Variants in CSMD1 observed in about 807,000 individuals in gnomAD.
CSMD1 encodes the protein CUB and sushi domain-containing protein 1.
CSMD1 carries 213 observed loss-of-function variants against 417.5 expected under a neutral mutation model. The ratio of observed to expected loss-of-function variants is 0.51; its 90% CI spans 0.46 to 0.57. The LOEUF (loss-of-function observed/expected upper bound fraction) is 0.57. CSMD1 is among the 20% of genes least tolerant of loss of function. CSMD1 has a pLI of 0.00. For missense variants in CSMD1, 6,923 were observed against 4,529.7 expected, an observed-to-expected ratio of 1.53 and a Z score of -15.17; for synonymous variants, 2,862 against 1,736.8, an observed-to-expected ratio of 1.65 and a Z score of -16.11.
At chr8:4,022,867 A>C (rs985752407) in intron 4 of CSMD1, among the ~76,000 whole-genome samples, 5 of 152,254 alleles carry the variant, frequency 3.3e-5, no homozygotes, top group Non-Finnish European at 5.9e-5. Context: ...GCAAGAATTC[A>C]CATAGTTAAG....
chr8:3,888,625 G>A (rs563243643), intron 5 of CSMD1, among the ~76,000 whole-genome samples: 100 of 152,208 alleles, frequency 6.6e-4, no homozygotes, highest in African/African-American at 2.1e-3. Flanking sequence ...TGTCATACAA[G>A]CAAGGTCAAG....
chr8:3,501,705 A>G (rs74609542), intron 10 of CSMD1, among the ~76,000 whole-genome samples: 3,363 of 152,298 alleles, frequency 0.022, 94 homozygotes, highest in East Asian at 0.12. Flanking sequence ...AAAAAACATG[A>G]TAACAAGTTT....
intron 7 of CSMD1, among the ~76,000 whole-genome samples, chr8:3,697,089 C>T (rs555575032): frequency 6.6e-6 from 1 of 152,154 alleles, no homozygotes; most frequent in Non-Finnish European, 1.5e-5. Context: ...TGAATAACTG[C>T]AGGCCCAATA....
chr8:3,818,077 G>A (rs966179847), intron 5 of CSMD1, among the ~76,000 whole-genome samples: 4 of 152,120 alleles, frequency 2.6e-5, no homozygotes, highest in East Asian at 1.9e-4. Context: ...ATGGAGGTCC[G>A]GGCTCAGCCA....
intron 38 of CSMD1, 21 bp from the exon 39 acceptor site, chr8:3,157,987 G>T: frequency 1.3e-6 from 2 of 1,534,680 alleles, no homozygotes; most frequent in Non-Finnish European, 1.8e-6. Flanking sequence ...GAAAACAAAA[G>T]AAAATACATA....
At chr8:3,384,741 AAT>A (rs1343607370) in intron 18 of CSMD1, among the ~76,000 whole-genome samples, 1 of 125,500 alleles carries the variant, frequency 8.0e-6, no homozygotes, top group African/African-American at 3.1e-5. Flanking sequence ...ATATTATATA[AAT>A]ATATATTTAT....
chr8:3,926,092 C>CACACACACACACAAACACCATACAT (rs1809674751), intron 5 of CSMD1, among the ~76,000 whole-genome samples: 4 of 49,506 alleles, frequency 8.1e-5, no homozygotes, highest in African/African-American at 5.4e-4. Flanking sequence ...TACACACACA[C>CACACACACACACAAACACCATACAT]ACACACACAC....
chr8:3,060,610 G>C (rs1812532057), intron 49 of CSMD1, among the ~76,000 whole-genome samples: 2 of 152,190 alleles, frequency 1.3e-5, no homozygotes. Flanking sequence ...TGATTTCAGA[G>C]ACTTAAATTC....
chr8:4,299,689 G>T (rs895769521), intron 3 of CSMD1, among the ~76,000 whole-genome samples: 1 of 152,138 alleles, frequency 6.6e-6, no homozygotes, highest in African/African-American at 2.4e-5. Flanking sequence ...GCTGGATGCA[G>T]TGGCGATCTT....
At chr8:3,351,273 C>T (rs1808403227) in intron 21 of CSMD1, among the ~76,000 whole-genome samples, 2 of 152,078 alleles carry the variant, frequency 1.3e-5, no homozygotes, top group South Asian at 4.1e-4. Context: ...AAAAGATAGT[C>T]TTTCACATGG....
intron 3 of CSMD1, among the ~76,000 whole-genome samples, chr8:4,257,549 A>G (rs868819691): frequency 2.0e-5 from 3 of 152,090 alleles, no homozygotes; most frequent in South Asian, 4.1e-4. Flanking sequence ...TTTCAATTAC[A>G]TTTTTAAAAT....
intron 8 of CSMD1, among the ~76,000 whole-genome samples, chr8:3,609,251 A>G (rs534404137): frequency 5.9e-5 from 9 of 152,204 alleles, no homozygotes; most frequent in Non-Finnish European, 1.2e-4. Flanking sequence ...CAGATGAACA[A>G]TAGATGACAG....
intron 10 of CSMD1, among the ~76,000 whole-genome samples, chr8:3,533,888 G>A (rs996309601): frequency 2.6e-5 from 4 of 152,184 alleles, no homozygotes; most frequent in African/African-American, 9.7e-5. Flanking sequence ...TCTTTCAGAT[G>A]TATCAGCTCG....
At chr8:4,296,641 T>TAAACAAAC in intron 3 of CSMD1, among the ~76,000 whole-genome samples, 1 of 151,464 alleles carries the variant, frequency 6.6e-6, no homozygotes, top group East Asian at 1.9e-4. Flanking sequence ...ATATTCACTA[T>TAAACAAAC]TAACTCGTAT....
chr8:4,549,164 T>C (rs57851352), intron 2 of CSMD1, among the ~76,000 whole-genome samples: 51 of 152,244 alleles, frequency 3.3e-4, no homozygotes, highest in African/African-American at 1.2e-3. Flanking sequence ...ACAGACTGAC[T>C]CAAGGGATTC....
At chr8:3,124,531 T>C (rs1014746654) in intron 41 of CSMD1, among the ~76,000 whole-genome samples, 1 of 152,194 alleles carries the variant, frequency 6.6e-6, no homozygotes, top group Non-Finnish European at 1.5e-5. Flanking sequence ...AAATAGTATG[T>C]GTTCTAAACA....
chr8:4,195,003 A>G (rs1210922874), intron 3 of CSMD1, among the ~76,000 whole-genome samples: 1 of 151,822 alleles, frequency 6.6e-6, no homozygotes, highest in Non-Finnish European at 1.5e-5. Flanking sequence ...GGAATTTTCC[A>G]TCTCTTCACA....
intron 57 of CSMD1, among the ~76,000 whole-genome samples, chr8:2,969,058 T>C (rs757957702): frequency 6.6e-6 from 1 of 152,154 alleles, no homozygotes; most frequent in Non-Finnish European, 1.5e-5. Context: ...TATCTGCTCA[T>C]GCAAGTTAAA....
chr8:4,857,116 T>C (rs933549934), intron 1 of CSMD1, among the ~76,000 whole-genome samples: 1 of 150,794 alleles, frequency 6.6e-6, no homozygotes, highest in Non-Finnish European at 1.5e-5. Flanking sequence ...AGAATCTCAC[T>C]CACAACCGCT....
Sources: allele counts gnomAD v4.1 joint callset (sites outside exome capture counted in the v4.1 genomes callset), GRCh38; gene constraint gnomAD v4.1.1; transcripts MANE v1.5; gene names NCBI Gene and HGNC (gene_info 2026-07-23, HGNC 2026-07-21).